TTC7A: variants seen among roughly 807,000 people sequenced by gnomAD.
The protein encoded by TTC7A is tetratricopeptide repeat domain 7A, also known as tetratricopeptide repeat protein 7A.
In TTC7A, 110 loss-of-function variants were observed where a neutral mutation model predicts 103.7. The observed-to-expected ratio is 1.06, with a 90% CI of 0.91 to 1.24. The LOEUF (loss-of-function observed/expected upper bound fraction) is 1.24. TTC7A is among the 50% of genes most tolerant of loss of function. The pLI is 0.00. For missense variants in TTC7A, 1,340 were observed against 1,116.3 expected (o/e 1.20, Z -2.86); for synonymous variants, 521 against 467.9 (o/e 1.11, Z -1.47).
rs1386641579 is a variant in TTC7A, at chr2:46,941,821, G to T, written c.184+96G>T. The T allele has an allele frequency of 1.2e-5, 17 of 1,475,666 alleles. No individual in the cohort carries two copies. The highest frequency in any genetic ancestry group is 1.4e-5 in the Non-Finnish European group (15 of 1,090,820). 91.4% of individuals were successfully genotyped at this position (1,475,666 alleles called of 1,614,324 possible). On this transcript the variant is annotated intron_variant, in intron 1 of 19. Transcript: ENST00000319190. This position sits in a 1 kb window ranked among gnomAD's most constrained non-coding sequence, Gnocchi z 4.2. ...CCCAGACAGTCCTCGGCCGACAGCGGGCGCCTGCCAGCCCACCGTGCTAGT... is the reference window on the plus strand; with the variant it reads ...CCCAGACAGTCCTCGGCCGACAGCGTGCGCCTGCCAGCCCACCGTGCTAGT...
rs1572671568 is a variant in TTC7A, at chr2:46,941,710, A to G, written c.169A>G (p.Thr57Ala). 1.9e-6 allele frequency: 3 copies of G among 1,550,260 alleles called. No individual in the cohort carries two copies. Among genetic ancestry groups the G allele is most frequent in the Non-Finnish European group, 2.6e-6 (3 of 1,147,142 alleles). Residue 57 changes from threonine (T) to alanine (A), a missense_variant, in exon 1 of 20, where the codon ACC becomes GCC. Physicochemically the swap from Thr to Ala is moderately conservative, Grantham distance 58. Transcript: ENST00000319190. This position sits in a 1 kb window ranked among gnomAD's most constrained non-coding sequence, Gnocchi z 4.2. Reference protein sequence around the residue: ...NRRGSPSAAFTFPDTDDFGKL... With the variant: ...NRRGSPSAAFAFPDTDDFGKL... ...GCGAGGCAGCCCGAGCGCAGCGTTC[A>G]CCTTTCCGGACACCGGTGAGTAAGG...
Position 47,007,965 on chromosome 2 carries a change from G to A in TTC7A, c.1287+1241G>A, listed in dbSNP as rs558974626. On this transcript the variant is annotated intron_variant, in intron 10 of 19. Coordinates refer to ENST00000319190, the MANE Select transcript of TTC7A (RefSeq NM_020458.4). The surrounding 1 kb of genome is among the most constrained non-coding windows in gnomAD (Gnocchi z 4.9). The stretch of plus-strand genomic sequence containing the variant: ...AGAGAAACCCTCCTACAGAACTGCA[G>A]GCAAAGGAGACAATGTGGGCAACGG... Among the ~76,000 whole-genome samples the A allele has an allele frequency of 7.0e-4, 107 of 152,348 alleles. No individual in the cohort carries two copies. In the Middle Eastern group the frequency reaches 0.01, roughly 15 times the overall value.
chr2:47,033,575 C>T (rs1680787409), intron 15 of TTC7A, among the ~76,000 whole-genome samples: 2 of 152,210 alleles, frequency 1.3e-5, no homozygotes, highest in African/African-American at 4.8e-5. Context: ...GAGGTCCCAG[C>T]CCTTGAGTCA....
chr2:46,996,593 A>G (rs555004283), intron 8 of TTC7A, among the ~76,000 whole-genome samples: 117 of 152,314 alleles, frequency 7.7e-4, no homozygotes, highest in Non-Finnish European at 1.5e-3. Context: ...GGGCTGGTCC[A>G]TGTTGGATCT....
At chr2:47,059,310 T>A (rs1558639664) in intron 18 of TTC7A, among the ~76,000 whole-genome samples, 1 of 152,040 alleles carries the variant, frequency 6.6e-6, no homozygotes, top group African/African-American at 2.4e-5. Flanking sequence ...CGTGAGCCTG[T>A]AGCCCAGCCA....
In TTC7A at chr2:47,075,283, A is replaced by G. The variant is rs1223589681; in HGVS notation, c.*1360A>G. The G allele has an allele frequency of 6.6e-6, 1 of 152,160 alleles. No individual in the cohort carries two copies. 9.4% of individuals were successfully genotyped at this position (152,160 alleles called of 1,614,324 possible). A position where few individuals can be genotyped will look rare whatever the true frequency, so the allele number is the denominator to read the frequency against. On this transcript the variant is annotated 3_prime_UTR_variant, in exon 20 of 20. Coordinates refer to ENST00000319190, the MANE Select transcript of TTC7A (RefSeq NM_020458.4). ...CTTCTTGGTTGAAGGATCTCTATGT[A>G]TGTGTGTATATAAATATAGTTTTTT...
At chr2:46,999,853 G>A in intron 8 of TTC7A, 3 of 985,434 alleles carry the variant, frequency 3.0e-6, no homozygotes, top group Non-Finnish European at 3.6e-6. Flanking sequence ...GTTAGAAATG[G>A]AAAGGGTACA....
chr2:46,929,500 T>G lies in TTC7A; in HGVS notation c.82+12223T>G, dbSNP rs982642188. Among the ~76,000 whole-genome samples the G allele has an allele frequency of 7.2e-5, 11 of 152,022 alleles. 1 individual carries two copies. Among genetic ancestry groups the G allele is most frequent in the Admixed American group, 5.2e-4 (8 of 15,256 alleles). On this transcript the variant is annotated intron_variant, in intron 2 of 20. Transcript: ENST00000409245. ...CCCTGTCTCAAAATACATAAATAAA[T>G]AAAGAAATAAATAGCTCTTCTAAAT...
chr2:46,923,109 G>A (rs1389653534), intron 2 of TTC7A, among the ~76,000 whole-genome samples: 1 of 152,212 alleles, frequency 6.6e-6, no homozygotes, highest in Admixed American at 6.5e-5. Context: ...CCACCCTCCT[G>A]GCCTGTGGAT....
intron 3 of TTC7A, among the ~76,000 whole-genome samples, chr2:46,964,810 T>C (rs900403227): frequency 1.3e-5 from 2 of 152,208 alleles, no homozygotes; most frequent in African/African-American, 4.8e-5. Flanking sequence ...GCTAAGGGCA[T>C]GGAGAGTGAC....
intron 11 of TTC7A, among the ~76,000 whole-genome samples, chr2:47,015,770 G>T (rs982608050): frequency 6.6e-6 from 1 of 152,164 alleles, no homozygotes; most frequent in Non-Finnish European, 1.5e-5. Context: ...TCAAATTCAG[G>T]GGTGGGCAGA....
intron 1 of TTC7A, among the ~76,000 whole-genome samples, chr2:46,945,927 G>T (rs1376823786): frequency 6.6e-6 from 1 of 152,204 alleles, no homozygotes; most frequent in Non-Finnish European, 1.5e-5. Flanking sequence ...GTTTGCCCCA[G>T]CGGGGAAGGG....
Position 47,052,292 on chromosome 2 carries a change from C to G in TTC7A, c.2152+412C>G, listed in dbSNP as rs188160731. Reference sequence around the variant, plus strand: ...GAGGTTGCCATTCAGGTGACAGTCCCTCTTGGTAACTAAGTGATACCATTG... The same window carrying G: ...GAGGTTGCCATTCAGGTGACAGTCCGTCTTGGTAACTAAGTGATACCATTG... On this transcript the variant is annotated intron_variant, in intron 18 of 19. Transcript: ENST00000319190. Among the ~76,000 whole-genome samples, 706 of 152,274 alleles carry G rather than the reference C, an allele frequency of 4.6e-3. 5 individuals are homozygous for G. Among genetic ancestry groups the G allele is most frequent in the African/African-American group, 0.016 (669 of 41,554 alleles).
chr2:47,060,533 C>T (rs1010630768), intron 18 of TTC7A, among the ~76,000 whole-genome samples: 2 of 152,158 alleles, frequency 1.3e-5, no homozygotes, highest in East Asian at 1.9e-4. Flanking sequence ...TTAACTGGGA[C>T]GATCTTGGTG....
At chr2:46,925,143 G>A (rs746205157) in intron 2 of TTC7A, among the ~76,000 whole-genome samples, 22 of 152,066 alleles carry the variant, frequency 1.4e-4, no homozygotes, top group Admixed American at 9.8e-4. Context: ...TCAGTGATGG[G>A]GGTTGTCTGG....
chr2:47,031,415 C>A (rs549347010), intron 15 of TTC7A, among the ~76,000 whole-genome samples: 41 of 152,250 alleles, frequency 2.7e-4, no homozygotes, highest in African/African-American at 9.6e-4. Context: ...AGGGTCTGAC[C>A]CACTACCGCT....
intron 2 of TTC7A, among the ~76,000 whole-genome samples, chr2:46,920,077 C>T (rs1669020355): frequency 6.6e-6 from 1 of 152,126 alleles, no homozygotes. Flanking sequence ...ATTTGATGAC[C>T]TTGTTTCTTC....
At chr2:47,036,687 T>C (rs189717599) in intron 15 of TTC7A, among the ~76,000 whole-genome samples, 30 of 152,224 alleles carry the variant, frequency 2.0e-4, no homozygotes, top group African/African-American at 7.0e-4. Flanking sequence ...CAAGACCTCG[T>C]CTGTACAAAA....
chr2:46,988,765 A>C (rs1295592336), intron 5 of TTC7A, among the ~76,000 whole-genome samples: 1 of 152,228 alleles, frequency 6.6e-6, no homozygotes, highest in African/African-American at 2.4e-5. Flanking sequence ...AAATGTAACC[A>C]TGCTGGGTCA....
Sources: allele counts gnomAD v4.1 joint callset (sites outside exome capture counted in the v4.1 genomes callset), GRCh38; gene constraint gnomAD v4.1.1; non-coding constraint Gnocchi (gnomAD v3.1); transcripts MANE v1.5; gene names NCBI Gene and HGNC (gene_info 2026-07-23, HGNC 2026-07-21).